The following CDA variants were observed in gnomAD, a reference collection of about 807,000 sequenced individuals.
CDA encodes cytidine aminohydrolase.
CDA carries 7 observed loss-of-function variants against 15.0 expected under a neutral mutation model. The ratio of observed to expected loss-of-function variants is 0.47; its 90% confidence interval spans 0.26 to 0.87. The LOEUF (loss-of-function observed/expected upper bound fraction) is 0.87, where lower values mean the gene tolerates loss of function less well. Among genes scored for constraint, CDA ranks in the 40% least tolerant of loss-of-function variants. The pLI, the probability that CDA is intolerant of heterozygous loss-of-function variation, is 0.15. For synonymous variants in CDA, 58 were observed against 73.0 expected (o/e 0.79, Z 1.05); for missense variants, 159 against 182.7 (o/e 0.87, Z 0.75).
chr1:20,615,499 A>C (rs2052794061), intron 3 of CDA, among the ~76,000 whole-genome samples: 1 of 151,478 alleles, frequency 6.6e-6, no homozygotes, highest in Admixed American at 6.6e-5. Flanking sequence ...ATAAAACAAA[A>C]CAAAAAAATG....
chr1:20,618,080 G>A (rs2052833872), intron 3 of CDA, among the ~76,000 whole-genome samples: 1 of 151,598 alleles, frequency 6.6e-6, no homozygotes, highest in Non-Finnish European at 1.5e-5. Flanking sequence ...CTGAGTATAT[G>A]TAGCAGGCTT....
At chr1:20,605,172 A>AG in intron 2 of CDA, 133 bp downstream of exon 2, 1 of 714,730 alleles carries the variant, frequency 1.4e-6, no homozygotes, top group Non-Finnish European at 2.5e-6. Flanking sequence ...GGCACTGTAC[A>AG]GGGCCCTGGG....
Position 20,591,853 on chromosome 1 carries a change from T to TG in CDA, c.154+2570_154+2571insG, listed in dbSNP as rs1570374758. Among the ~76,000 whole-genome samples the TG allele has an allele frequency of 2.6e-5, 4 of 151,102 alleles. No homozygotes were observed. In the South Asian group the frequency reaches 8.4e-4, roughly 32 times the overall value. ...TTTATTTATGGGTTTTTTTTTGTTT[T>TG]TTTTTTTTGAGATGGAGTCTCACTC... On this transcript the variant is annotated intron_variant, in intron 1 of 3. Coordinates refer to ENST00000375071, the MANE Select transcript of CDA (RefSeq NM_001785.3).
At chr1:20,615,470 C>CAAAA (rs35351279) in intron 3 of CDA, among the ~76,000 whole-genome samples, 8,571 of 112,916 alleles carry the variant, frequency 0.076, 716 homozygotes, top group East Asian at 0.17. Flanking sequence ...CTGTTCTCCA[C>CAAAA]AAAAAAAAAA....
intron 3 of CDA, among the ~76,000 whole-genome samples, chr1:20,616,696 G>C (rs1472417084): frequency 6.6e-6 from 1 of 152,104 alleles, no homozygotes; most frequent in Non-Finnish European, 1.5e-5. Context: ...AAGGAGGCAG[G>C]GGGGAAACTG....
At chr1:20,600,753 C>CAAAAAA (rs5772908) in intron 1 of CDA, among the ~76,000 whole-genome samples, 1 of 121,122 alleles carries the variant, frequency 8.3e-6, no homozygotes, top group Non-Finnish European at 1.7e-5. Flanking sequence ...GACTCTGTCT[C>CAAAAAA]AAAAAAAAAA....
chr1:20,612,991 C>T (rs977365074), intron 2 of CDA, among the ~76,000 whole-genome samples: 1 of 149,048 alleles, frequency 6.7e-6, no homozygotes, highest in South Asian at 2.1e-4. Context: ...TTTACACAGA[C>T]GTGCGTGACA....
In CDA at chr1:20,616,278, A is replaced by C. The variant is rs1338193351; in HGVS notation, c.325-2174A>C. On this transcript the variant is annotated intron_variant, in intron 3 of 3. Coordinates refer to ENST00000375071, the MANE Select transcript of CDA (RefSeq NM_001785.3). ...GGAGGAAACATAATGGTACTTTGGC[A>C]TGTGGATGCTGCTTGTACCGTGGGA... Among the ~76,000 whole-genome samples the C allele has an allele frequency of 2.0e-5, 3 of 152,200 alleles. No individual in the cohort carries two copies. In the East Asian group the frequency reaches 5.8e-4, roughly 29 times the overall value.
In CDA at chr1:20,618,475, C is replaced by A; in HGVS notation, c.348C>A (p.Tyr116Ter). The A allele has an allele frequency of 6.2e-7, 1 of 1,612,932 alleles. No homozygotes were observed. The highest frequency in any genetic ancestry group is 8.5e-7 in the Non-Finnish European group (1 of 1,179,188). Reference protein sequence around the residue: ...MREFGTNWPVYMTKPDGTYIV... With the variant: ...MREFGTNWPV Reference sequence around the variant, plus strand: ...AGTTTGGCACCAACTGGCCCGTGTACATGACCAAGCCGGATGGTACGTATA... The same window carrying A: ...AGTTTGGCACCAACTGGCCCGTGTAAATGACCAAGCCGGATGGTACGTATA... Residue 116 changes from tyrosine (Y) to a stop codon, truncating the protein, a stop_gained, in exon 4 of 4, where the codon TAC (tyrosine) becomes TAA (stop). Transcript: ENST00000375071. LOFTEE classifies it high-confidence loss of function.
chr1:20,594,563 G>C (rs538806332), intron 1 of CDA, among the ~76,000 whole-genome samples: 1 of 152,120 alleles, frequency 6.6e-6, no homozygotes, highest in East Asian at 1.9e-4. Context: ...CGAGCTGGGC[G>C]GATCACCTGA....
chr1:20,603,899 GCAA>G lies in CDA; in HGVS notation c.155-1024_155-1022del, dbSNP rs559834007. Among the ~76,000 whole-genome samples, 9 of 152,208 alleles carry G rather than the reference GCAA, an allele frequency of 5.9e-5. 1 individual carries two copies. In the South Asian group the frequency reaches 1.9e-3, roughly 32 times the overall value. ...AGCAGCCTTGGCTTATTGTCCCCCAGCAACAACCCTGAGAGAGCCAACAGGAAG... is the reference window on the plus strand; with the variant it reads ...AGCAGCCTTGGCTTATTGTCCCCCAGCAACCCTGAGAGAGCCAACAGGAAG... On this transcript the variant is annotated intron_variant, in intron 1 of 3. Transcript: ENST00000375071.
intron 1 of CDA, among the ~76,000 whole-genome samples, chr1:20,593,873 C>T (rs879532630): frequency 6.6e-6 from 1 of 152,158 alleles, no homozygotes; most frequent in Non-Finnish European, 1.5e-5. Context: ...CTGCACCTGG[C>T]CTGTTTATCA....
rs777342792 is a variant in CDA at position 20,589,143 on chromosome 1, G to A, written c.14G>A (p.Arg5His). 17 of 1,614,020 alleles carry A rather than the reference G, an allele frequency of 1.1e-5. No homozygotes were observed. Among genetic ancestry groups the A allele is most frequent in the Middle Eastern group, 1.6e-4 (1 of 6,082 alleles). MAQK[R>H]PACTLKPECV... ...CGGGGTACCAACATGGCCCAGAAGC[G>A]TCCTGCCTGCACCCTGAAGCCTGAG... Residue 5 changes from arginine to histidine, a missense_variant, in exon 1 of 4, where the codon CGT (arginine) becomes CAT (histidine). Transcript: ENST00000375071.
At chr1:20,611,742 C>T (rs1273240034) in intron 2 of CDA, among the ~76,000 whole-genome samples, 1 of 152,236 alleles carries the variant, frequency 6.6e-6, no homozygotes, top group African/African-American at 2.4e-5. Flanking sequence ...CCTGTAGGAG[C>T]CTAAACTCTC....
chr1:20,610,191 G>T lies in CDA; in HGVS notation c.267-3651G>T, dbSNP rs192111248. ...GCCCAGCACTGCTCAGTAAATATTT[G>T]TTGGTTGAAGTGAGACAATGCATAT... is the stretch of plus-strand genomic sequence containing the variant. On this transcript the variant is annotated intron_variant, in intron 2 of 3. Coordinates refer to ENST00000375071, the MANE Select transcript of CDA (RefSeq NM_001785.3). Among the ~76,000 whole-genome samples the T allele has an allele frequency of 9.9e-5, 15 of 151,482 alleles. No individual in the cohort carries two copies. The East Asian group carries it at 2.9e-3, about 29-fold the overall frequency.
At chr1:20,596,113 C>T (rs2052589761) in intron 1 of CDA, among the ~76,000 whole-genome samples, 1 of 152,084 alleles carries the variant, frequency 6.6e-6, no homozygotes, top group South Asian at 2.1e-4. Flanking sequence ...CGCACCATTG[C>T]ACTCCAGCCT....
intron 3 of CDA, among the ~76,000 whole-genome samples, chr1:20,616,835 T>C (rs12072411): frequency 0.22 from 33,978 of 152,034 alleles, 4,122 homozygotes; most frequent in African/African-American, 0.31. Context: ...ATTTCCTTCC[T>C]TAAAACATTA....
At chr1:20,593,178 G>C (rs2052564374) in intron 1 of CDA, among the ~76,000 whole-genome samples, 1 of 152,184 alleles carries the variant, frequency 6.6e-6, no homozygotes, top group Admixed American at 6.5e-5. Flanking sequence ...ATGATGATGA[G>C]GCACTGACTG....
chr1:20,599,936 C>G (rs1336929200), intron 1 of CDA, among the ~76,000 whole-genome samples: 1 of 152,188 alleles, frequency 6.6e-6, no homozygotes, highest in African/African-American at 2.4e-5. Context: ...GCCAGTGAGC[C>G]TCAAAGAGGT....
Sources: gnomAD v4.1 joint callset for allele counts (sites outside exome capture counted in the v4.1 genomes callset) on GRCh38, gnomAD v4.1.1 for gene constraint, MANE v1.5 for transcripts, NCBI Gene and HGNC (gene_info 2026-07-23, HGNC 2026-07-21) for gene names.